WDFY3: variants seen among roughly 807,000 people sequenced by gnomAD.
WDFY3 encodes the protein WD repeat and FYVE domain containing 3.
WDFY3 carries 66 observed loss-of-function variants against 409.6 expected under a neutral mutation model. That is an observed-to-expected ratio of 0.16 (90% CI 0.13 to 0.20). The LOEUF (loss-of-function observed/expected upper bound fraction) is 0.20, where lower values mean the gene tolerates loss of function less well. Among genes scored for constraint, WDFY3 ranks in the 10% least tolerant of loss-of-function variants. The probability of loss-of-function intolerance (pLI) is 1.00; values close to 1 mark genes in which losing one functional copy is unlikely to be tolerated. For synonymous variants in WDFY3, 1,521 were observed against 1,537.1 expected (o/e 0.99, Z 0.25); for missense variants, 3,031 against 4,298.1 (o/e 0.71, Z 8.24).
chr4:84,871,160 T>C (rs1192041927), intron 3 of WDFY3, among the ~76,000 whole-genome samples: 3 of 151,960 alleles, frequency 2.0e-5, no homozygotes, highest in African/African-American at 7.3e-5. Flanking sequence ...AAAGACTACA[T>C]GTAGGCATAT....
At chr4:84,937,155 T>A (rs1174613818) in intron 1 of WDFY3, among the ~76,000 whole-genome samples, 2 of 152,202 alleles carry the variant, frequency 1.3e-5, no homozygotes, top group Admixed American at 1.3e-4. Flanking sequence ...ATTAGACTTT[T>A]ACTACACAAC....
chr4:84,859,746 T>G (rs1760313348), intron 4 of WDFY3, among the ~76,000 whole-genome samples: 1 of 151,822 alleles, frequency 6.6e-6, no homozygotes, highest in South Asian at 2.1e-4. Context: ...TGGCTGATTT[T>G]TTATTTTTAG....
In WDFY3 at chr4:84,810,240, A is replaced by T. The variant is rs1169048339; in HGVS notation, c.1992T>A (p.Ser664=). Residue 664 remains serine, a synonymous_variant, in exon 14 of 68, where the codon TCT becomes TCA. Coordinates refer to ENST00000295888, the MANE Select transcript of WDFY3 (RefSeq NM_014991.6). The part of the protein sequence containing the change: ...ITSLLVAMER[S]LSCPPKNGWE... ...AGCCATTCTTGGGTGGACAGCTCAA[A>T]GATCTTTCCATAGCAACGAGCAAGG... 1 of 1,614,136 alleles carries T rather than the reference A, an allele frequency of 6.2e-7. No individual in the cohort carries two copies. The highest frequency in any genetic ancestry group is 1.7e-5 in the Admixed American group (1 of 60,002).
intron 3 of WDFY3, among the ~76,000 whole-genome samples, chr4:84,882,756 C>T (rs1489952694): frequency 1.3e-5 from 2 of 151,512 alleles, no homozygotes; most frequent in East Asian, 1.9e-4. Context: ...ATTCTGTCAC[C>T]CAGGATGGTA....
intron 36 of WDFY3, 68 bp downstream of exon 36, chr4:84,751,411 CTTGT>C: frequency 6.8e-7 from 1 of 1,466,006 alleles, no homozygotes; most frequent in Non-Finnish European, 9.5e-7. Flanking sequence ...TGTTATAGAA[CTTGT>C]TTGGTTACTA....
intron 56 of WDFY3, among the ~76,000 whole-genome samples, chr4:84,698,175 CTTAT>C (rs1730453728): frequency 1.3e-5 from 2 of 151,792 alleles, no homozygotes; most frequent in African/African-American, 2.4e-5. Flanking sequence ...TCCTTGAATA[CTTAT>C]TTGATAGAAT....
At chr4:84,768,078 GTC>G (rs778795262) in intron 30 of WDFY3, among the ~76,000 whole-genome samples, 3 of 152,120 alleles carry the variant, frequency 2.0e-5, no homozygotes, top group Non-Finnish European at 2.9e-5. Context: ...GTGAGACCCT[GTC>G]TCAAAAACAA....
rs1775791317 is a variant in WDFY3, at chr4:84,966,572, G to C, written c.-589C>G. Among the ~76,000 whole-genome samples the C allele has an allele frequency of 1.3e-5, 2 of 151,956 alleles. No individual in the cohort carries two copies. The highest frequency in any genetic ancestry group is 1.3e-4 in the Admixed American group (2 of 15,276). ...CGGGTTTCTTCTCTCCATCAAGGCCGGGCCGACCCGCAGGGACCATCCCGG... is the reference window on the plus strand; with the variant it reads ...CGGGTTTCTTCTCTCCATCAAGGCCCGGCCGACCCGCAGGGACCATCCCGG... On this transcript the variant is annotated 5_prime_UTR_variant, in exon 1 of 68. Transcript: ENST00000295888.
chr4:84,789,626 C>A, intron 22 of WDFY3, 100 bp downstream of exon 22: 3 of 1,202,684 alleles, frequency 2.5e-6, no homozygotes, highest in South Asian at 1.8e-5. Context: ...TTAAAAATAT[C>A]CCTGTAACAC....
chr4:84,827,230 A>G (rs1487698070), intron 9 of WDFY3, among the ~76,000 whole-genome samples: 2 of 152,150 alleles, frequency 1.3e-5, no homozygotes, highest in African/African-American at 4.8e-5. Context: ...TAAAAGAAGT[A>G]ATTATTCTCA....
intron 1 of WDFY3, among the ~76,000 whole-genome samples, chr4:84,944,958 T>C (rs1034472284): frequency 1.3e-5 from 2 of 152,132 alleles, no homozygotes; most frequent in Non-Finnish European, 2.9e-5. Context: ...TCATGATCAA[T>C]GGCCTTGAAA....
At chr4:84,961,627 G>C (rs1774930848) in intron 1 of WDFY3, among the ~76,000 whole-genome samples, 1 of 152,072 alleles carries the variant, frequency 6.6e-6, no homozygotes, top group African/African-American at 2.4e-5. Context: ...CCTTCATAGT[G>C]AGATCATAAC....
At chr4:84,758,893 AATG>A (rs1225060490) in intron 32 of WDFY3, among the ~76,000 whole-genome samples, 1 of 152,148 alleles carries the variant, frequency 6.6e-6, no homozygotes, top group Admixed American at 6.5e-5. Context: ...CTATGTCCTG[AATG>A]GTAATGCCTA....
At chr4:84,755,739 C>A (rs1441400545) in intron 33 of WDFY3, among the ~76,000 whole-genome samples, 1 of 152,114 alleles carries the variant, frequency 6.6e-6, no homozygotes, top group Non-Finnish European at 1.5e-5. Context: ...TAAGCAAGAT[C>A]TTTTAAACAA....
intron 15 of WDFY3, among the ~76,000 whole-genome samples, chr4:84,805,641 A>G (rs1751384010): frequency 6.6e-6 from 1 of 152,140 alleles, no homozygotes; most frequent in African/African-American, 2.4e-5. Flanking sequence ...TTTTGACCTA[A>G]ATTCTCATAT....
At chr4:84,774,584 C>T (rs1325276049) in intron 29 of WDFY3, among the ~76,000 whole-genome samples, 8 of 152,320 alleles carry the variant, frequency 5.3e-5, no homozygotes, top group African/African-American at 1.9e-4. Flanking sequence ...GGGCTAATTC[C>T]TACATCTTTT....
At chr4:84,827,558 T>C (rs1412986987) in intron 9 of WDFY3, among the ~76,000 whole-genome samples, 1 of 152,166 alleles carries the variant, frequency 6.6e-6, no homozygotes, top group African/African-American at 2.4e-5. Flanking sequence ...AAATAAAATC[T>C]TGTCTACAAG....
At chr4:84,709,121 G>T (rs1431485020) in intron 52 of WDFY3, 93 bp from the exon 53 acceptor site, 12 of 1,514,010 alleles carry the variant, frequency 7.9e-6, no homozygotes, top group Middle Eastern at 1.9e-4. Flanking sequence ...GTAAAGGACA[G>T]TTTCTTTTTA....
Position 84,715,338 on chromosome 4 carries a change from G to T in WDFY3, c.7921C>A (p.Leu2641Ile). The T allele has an allele frequency of 6.2e-7, 1 of 1,611,090 alleles. No homozygotes were observed. Among genetic ancestry groups the T allele is most frequent in the South Asian group, 1.1e-5 (1 of 90,882 alleles). The stretch of plus-strand genomic sequence containing the variant: ...TTTCTGATTCCTTTCTGAAAAGCAA[G>T]GAGGTAATTCCGTCCATCTCCAGAG... The part of the protein sequence containing the change: ...VFSGDGRNYL[L>I]AFQKGIRNKV... The change falls in exon 50 of 68, where the codon CTT becomes ATT. Residue 2641 changes from leucine (L) to isoleucine (I), a missense_variant. Coordinates refer to ENST00000295888, the MANE Select transcript of WDFY3 (RefSeq NM_014991.6).
Sources: gnomAD v4.1 joint callset for allele counts (sites outside exome capture counted in the v4.1 genomes callset) on GRCh38, gnomAD v4.1.1 for gene constraint, MANE v1.5 for transcripts, NCBI Gene and HGNC (gene_info 2026-07-23, HGNC 2026-07-21) for gene names.